The following KIF26B variants were observed in gnomAD, a reference collection of about 807,000 sequenced individuals.
KIF26B encodes kinesin-like protein KIF26B.
A neutral mutation model predicts 151.2 loss-of-function variants in KIF26B; 63 were observed. The ratio of observed to expected loss-of-function variants is 0.42; its 90% CI spans 0.34 to 0.51. The LOEUF (loss-of-function observed/expected upper bound fraction) is 0.51, where lower values mean the gene tolerates loss of function less well. Among genes scored for constraint, KIF26B ranks in the 20% least tolerant of loss-of-function variants. The pLI is 0.07. For missense variants in KIF26B, 2,813 were observed against 2,913.6 expected (o/e 0.97, Z 0.79); for synonymous variants, 1,357 against 1,262.1 (o/e 1.08, Z -1.59).
At chr1:245,325,722 G>GA (rs1336109674) in intron 2 of KIF26B, among the ~76,000 whole-genome samples, 24 of 150,442 alleles carry the variant, frequency 1.6e-4, no homozygotes, top group Admixed American at 9.3e-4. Context: ...AAAAAAAAAG[G>GA]AAAAAAAAAG....
chr1:245,339,555 A>G (rs1672297524), intron 2 of KIF26B, among the ~76,000 whole-genome samples: 1 of 152,258 alleles, frequency 6.6e-6, no homozygotes, highest in Admixed American at 6.5e-5. Flanking sequence ...ATTATCATAA[A>G]ATAGGTACTA....
At chr1:245,240,705 T>A (rs1171953584) in intron 2 of KIF26B, among the ~76,000 whole-genome samples, 1 of 152,102 alleles carries the variant, frequency 6.6e-6, no homozygotes, top group Admixed American at 6.6e-5. Context: ...TTTAGTGAGA[T>A]ATAGCCATAT....
intron 10 of KIF26B, among the ~76,000 whole-genome samples, chr1:245,650,499 G>A (rs1269083960): frequency 6.6e-6 from 1 of 152,248 alleles, no homozygotes; most frequent in Non-Finnish European, 1.5e-5. Flanking sequence ...AGCTTTTCGA[G>A]ACTCAGATTC....
intron 4 of KIF26B, among the ~76,000 whole-genome samples, chr1:245,476,414 T>C (rs1660039618): frequency 6.6e-6 from 1 of 151,838 alleles, no homozygotes; most frequent in African/African-American, 2.4e-5. Flanking sequence ...GTTATGTGAA[T>C]TTTATCTCAA....
chr1:245,263,743 G>T (rs1171383087), intron 2 of KIF26B, among the ~76,000 whole-genome samples: 1 of 152,162 alleles, frequency 6.6e-6, no homozygotes, highest in African/African-American at 2.4e-5. Context: ...TTCTCCTAGA[G>T]TCTAGCATCC....
rs918392435 is a variant in KIF26B at position 245,160,035 on chromosome 1, G to A, written c.465+3352G>A. The stretch of plus-strand genomic sequence containing the variant: ...TCTGAGCTTTCTGGAAAGAGATGGA[G>A]GCAGATTTAATAATAAAACACTTTG... On this transcript the variant is annotated intron_variant, in intron 2 of 14. Coordinates refer to ENST00000407071, the MANE Select transcript of KIF26B (RefSeq NM_018012.4). 3.9e-5 allele frequency among the ~76,000 whole-genome samples: 6 copies of A among 152,186 alleles called. No homozygotes were observed. The South Asian group carries it at 1.2e-3, about 32-fold the overall frequency.
At chr1:245,592,805 G>A (rs74154469) in intron 5 of KIF26B, among the ~76,000 whole-genome samples, 2,103 of 152,260 alleles carry the variant, frequency 0.014, 51 homozygotes, top group African/African-American at 0.047. Flanking sequence ...CTTTTGTTCT[G>A]TAACTCATAA....
In KIF26B at chr1:245,390,953, C is replaced by CAAAA. The variant is rs1491437625; in HGVS notation, c.999+23586_999+23587insAAAA. ...AAAAAAAAAAAAAAAAAAAAAAAAA[C>CAAAA]CACCATAAAATTTTGAGCTTTCAAT... On this transcript the variant is annotated intron_variant, in intron 3 of 14. Coordinates refer to ENST00000407071, the MANE Select transcript of KIF26B (RefSeq NM_018012.4). 5.3e-3 allele frequency among the ~76,000 whole-genome samples: 261 copies of CAAAA among 48,866 alleles called. 8 individuals are homozygous for CAAAA. The highest frequency in any genetic ancestry group is 0.018 in the African/African-American group (255 of 14,140). 32.1% of individuals were successfully genotyped at this position (48,866 alleles called of 152,430 possible).
intron 4 of KIF26B, among the ~76,000 whole-genome samples, chr1:245,527,524 CTTTTTTTTT>C (rs548422038): frequency 2.0e-4 from 10 of 50,722 alleles, no homozygotes; most frequent in South Asian, 2.6e-3. Context: ...TTTGGGATGG[CTTTTTTTTT>C]TTTTTTTTTT....
chr1:245,389,920 A>G (rs1673644210), intron 3 of KIF26B, among the ~76,000 whole-genome samples: 1 of 152,172 alleles, frequency 6.6e-6, no homozygotes, highest in African/African-American at 2.4e-5. Flanking sequence ...AAAGTTTCCT[A>G]TTACAGCAGT....
At chr1:245,195,057 C>T (rs1021611655) in intron 2 of KIF26B, among the ~76,000 whole-genome samples, 6 of 152,134 alleles carry the variant, frequency 3.9e-5, no homozygotes, top group African/African-American at 1.4e-4. Context: ...TTTTTATGGG[C>T]TCTACTAGGA....
At chr1:245,554,579 A>G (rs539466261) in intron 5 of KIF26B, among the ~76,000 whole-genome samples, 1 of 152,228 alleles carries the variant, frequency 6.6e-6, no homozygotes, top group South Asian at 2.1e-4. Flanking sequence ...GCTCAAACTA[A>G]AAATACCTGT....
At chr1:245,403,902 A>G (rs1674070964) in intron 3 of KIF26B, among the ~76,000 whole-genome samples, 1 of 152,220 alleles carries the variant, frequency 6.6e-6, no homozygotes, top group South Asian at 2.1e-4. Context: ...CATGCTAACA[A>G]GGGCTTACTA....
intron 5 of KIF26B, among the ~76,000 whole-genome samples, chr1:245,573,620 T>C (rs767200081): frequency 1.3e-5 from 2 of 152,206 alleles, no homozygotes; most frequent in Non-Finnish European, 2.9e-5. Context: ...TTTTAACTTA[T>C]TTGATATCTC....
intron 3 of KIF26B, among the ~76,000 whole-genome samples, chr1:245,382,562 C>CTTGTT (rs1335478189): frequency 9.7e-5 from 11 of 113,710 alleles, no homozygotes; most frequent in Admixed American, 7.0e-4. Flanking sequence ...TGTTTTGTTT[C>CTTGTT]TTGTTTTGTT....
intron 2 of KIF26B, among the ~76,000 whole-genome samples, chr1:245,236,733 G>A (rs1347516408): frequency 6.6e-6 from 1 of 152,134 alleles, no homozygotes; most frequent in Non-Finnish European, 1.5e-5. Context: ...TACATGATGC[G>A]GAATCTGAGA....
intron 2 of KIF26B, among the ~76,000 whole-genome samples, chr1:245,312,495 A>ATTCCT (rs1671682492): frequency 6.6e-6 from 1 of 152,040 alleles, no homozygotes; most frequent in Non-Finnish European, 1.5e-5. Flanking sequence ...ATTCTAATTC[A>ATTCCT]TTCCTTTTCT....
At chr1:245,242,966 C>T (rs1352107222) in intron 2 of KIF26B, among the ~76,000 whole-genome samples, 1 of 152,146 alleles carries the variant, frequency 6.6e-6, no homozygotes, top group African/African-American at 2.4e-5. Context: ...GGTTTATTTA[C>T]TTCTCCTATG....
chr1:245,688,828 ACG>A, intron 12 of KIF26B, 21 bp downstream of exon 12: 3 of 1,548,474 alleles, frequency 1.9e-6, no homozygotes, highest in Non-Finnish European at 2.6e-6. Flanking sequence ...GGGCGCAGGG[ACG>A]CGGGTGAGGA....
Sources: allele counts gnomAD v4.1 joint callset (sites outside exome capture counted in the v4.1 genomes callset), GRCh38; gene constraint gnomAD v4.1.1; transcripts MANE v1.5; gene names NCBI Gene and HGNC (gene_info 2026-07-23, HGNC 2026-07-21).